The following CPNE6 variants were observed in gnomAD, a reference collection of about 807,000 sequenced individuals.
The protein encoded by CPNE6 is copine-6.
Under a neutral mutation model 71.5 loss-of-function variants are expected in CPNE6, and 33 were observed. That is an observed-to-expected ratio of 0.46 (90% CI 0.35 to 0.62). The LOEUF (loss-of-function observed/expected upper bound fraction) is 0.62, where lower values mean the gene tolerates loss of function less well. Ranked by LOEUF, CPNE6 falls within the 20% of genes least tolerant of loss-of-function variation. CPNE6 has a pLI of 0.00. For missense variants in CPNE6, 576 were observed against 747.3 expected (o/e 0.77, Z 2.67); for synonymous variants, 296 against 293.0 (o/e 1.01, Z -0.10).
exon 1 of CPNE6, chr14:24,071,005 A>T (rs977778206): frequency 6.5e-7 from 1 of 1,535,596 alleles, no homozygotes; most frequent in African/African-American, 1.4e-5. Flanking sequence ...GAGCACGGGA[A>T]GATCACATCC....
rs770676238 is a variant in CPNE6 at position 24,075,291 on chromosome 14, C to G, written c.777+15C>G. The G allele has an allele frequency of 1.3e-6, 2 of 1,599,962 alleles. No homozygotes were observed. The highest frequency in any genetic ancestry group is 3.3e-5 in the Admixed American group (2 of 60,002). On this transcript the variant is annotated intron_variant, in intron 9 of 17. Transcript: ENST00000397016. This position sits in a 1 kb window ranked among gnomAD's most constrained non-coding sequence, Gnocchi z 4.3. Reference sequence around the variant, plus strand: ...CTGGGCAGGAGGTGCCACAAATACCCCACCCCCAGAATCCCACCCAGATCC... The same window carrying G: ...CTGGGCAGGAGGTGCCACAAATACCGCACCCCCAGAATCCCACCCAGATCC...
rs779245949 is a variant in CPNE6 at position 24,077,384 on chromosome 14, C to T, written c.1530C>T (p.Phe510=). The T allele has an allele frequency of 6.2e-7, 1 of 1,613,870 alleles. No individual in the cohort carries two copies. Among genetic ancestry groups the T allele is most frequent in the East Asian group, 2.2e-5 (1 of 44,874 alleles). Residue 510 remains phenylalanine (F), a synonymous_variant, in exon 16 of 18, where the codon TTC becomes TTT. Transcript: ENST00000397016. The surrounding 1 kb of genome is among the most constrained non-coding windows in gnomAD (Gnocchi z 6.1). ...TCCAGTTCGTGCCCTTCCGAGACTT[C>T]AAGGATGTGAGTCCCCCGGGCCCCT...
Position 24,077,670 on chromosome 14 carries a change from C to A in CPNE6, c.1614C>A (p.Gly538=), listed in dbSNP as rs1168531892. ...TGGTGGAGTACTACGCCAGCCAGGG[C>A]ATCAGCCCTGGGGCTCCCAGGCCCT... The change falls in exon 17 of 18, where the codon GGC becomes GGA. Residue 538 remains glycine (G), a synonymous_variant. Coordinates refer to ENST00000397016, the Ensembl canonical transcript of CPNE6. The surrounding 1 kb of genome is among the most constrained non-coding windows in gnomAD (Gnocchi z 6.1). The A allele has an allele frequency of 6.3e-7, 1 of 1,593,294 alleles. No individual in the cohort carries two copies. Among genetic ancestry groups the A allele is most frequent in the South Asian group, 1.1e-5 (1 of 87,932 alleles).
chr14:24,074,010 G>A lies in CPNE6; in HGVS notation c.349-41G>A, dbSNP rs1442584589. 2 of 1,546,766 alleles carry A rather than the reference G, an allele frequency of 1.3e-6. No homozygotes were observed. Among genetic ancestry groups the A allele is most frequent in the Admixed American group, 1.7e-5 (1 of 59,926 alleles). On this transcript the variant is annotated intron_variant, in intron 4 of 17. Coordinates refer to ENST00000397016, the Ensembl canonical transcript of CPNE6. This position sits in a 1 kb window ranked among gnomAD's most constrained non-coding sequence, Gnocchi z 4.5. ...TCCCTTGTACGTGGCCAAGGCAGAT[G>A]GGGATGTCACAGCTGGGTCTCCCTC... is the stretch of plus-strand genomic sequence containing the variant.
In CPNE6 at chr14:24,074,389, C is replaced by T. The variant is rs2035994555; in HGVS notation, c.498+24C>T. The T allele has an allele frequency of 1.9e-6, 3 of 1,549,472 alleles. No homozygotes were observed. Among genetic ancestry groups the T allele is most frequent in the Non-Finnish European group, 2.6e-6 (3 of 1,148,156 alleles). On this transcript the variant is annotated intron_variant, in intron 6 of 17. Transcript: ENST00000397016. This position sits in a 1 kb window ranked among gnomAD's most constrained non-coding sequence, Gnocchi z 4.5. ...AGGTTGGAACCCCAGAGTCCAGGCC[C>T]CCAACTCCCCTGTCACTCCTAGGCC...
rs2036105173 is a variant in CPNE6, at chr14:24,077,121, G to A, written c.1300-33G>A. The A allele has an allele frequency of 2.5e-6, 4 of 1,595,094 alleles. No individual in the cohort carries two copies. In the South Asian group the frequency reaches 4.4e-5, roughly 18 times the overall value. ...CGGTGTCAACGCCCTTGCACACAAA[G>A]CCAACCCTTCCACCCTCTCTGCTTG... On this transcript the variant is annotated intron_variant, in intron 15 of 17. Transcript: ENST00000397016. This position sits in a 1 kb window ranked among gnomAD's most constrained non-coding sequence, Gnocchi z 6.1.
chr14:24,071,916 T>G (rs1286060716), intron 2 of CPNE6: 3 of 401,674 alleles, frequency 7.5e-6, no homozygotes, highest in African/African-American at 6.2e-5. Context: ...GTCCCACTTC[T>G]GAGGGAGGTA....
In CPNE6 at chr14:24,075,349, C is replaced by G; in HGVS notation, c.777+73C>G. 1.4e-6 allele frequency: 2 copies of G among 1,443,080 alleles called. No individual in the cohort carries two copies. The highest frequency in any genetic ancestry group is 9.8e-7 in the Non-Finnish European group (1 of 1,024,622). The allele number at this position is 1,443,080 out of a possible 1,614,324, so 89.4% of individuals were successfully genotyped here. A position where few individuals can be genotyped will look rare whatever the true frequency, so the allele number is the denominator to read the frequency against. On this transcript the variant is annotated intron_variant, in intron 9 of 17. Transcript: ENST00000397016. The surrounding 1 kb of genome is among the most constrained non-coding windows in gnomAD (Gnocchi z 4.3). ...AATCCTGAGGGTGATGCTGAAGAGA[C>G]CACCATAGGTGATAGGAAGTGGAGA...
Position 24,075,972 on chromosome 14 carries a change from C to A in CPNE6, c.924+86C>A. 6.5e-7 allele frequency: 1 copy of A among 1,549,252 alleles called. No individual in the cohort carries two copies. Among genetic ancestry groups the A allele is most frequent in the East Asian group, 2.3e-5 (1 of 44,438 alleles). ...AAGGAGCCCAGAATCTCCACTGCCC[C>A]AACTTGGGCTGCTCATGAGCCTTCG... On this transcript the variant is annotated intron_variant, in intron 11 of 17. Coordinates refer to ENST00000397016, the Ensembl canonical transcript of CPNE6. The surrounding 1 kb of genome is among the most constrained non-coding windows in gnomAD (Gnocchi z 4.3).
chr14:24,071,502 C>CCGCG, intron 1 of CPNE6, 60 bp from the exon 1 acceptor site: 1 of 447,726 alleles, frequency 2.2e-6, no homozygotes, highest in Non-Finnish European at 3.5e-6. Flanking sequence ...TGGTGCTGCG[C>CCGCG]CCCCCCCCAC....
Position 24,074,855 on chromosome 14 carries a change from C to T in CPNE6, c.672+60C>T. 1 of 1,412,522 alleles carries T rather than the reference C, an allele frequency of 7.1e-7. No individual in the cohort carries two copies. The highest frequency in any genetic ancestry group is 9.8e-7 in the Non-Finnish European group (1 of 1,015,406). The allele number at this position is 1,412,522 out of a possible 1,614,324, so 87.5% of individuals were successfully genotyped here. A position where few individuals can be genotyped will look rare whatever the true frequency, so the allele number is the denominator to read the frequency against. Reference sequence around the variant, plus strand: ...GAGCAACCAATCTGCTATCTAAGACCTTTCCCCTGCATGTGGCAAGCCTCC... The same window carrying T: ...GAGCAACCAATCTGCTATCTAAGACTTTTCCCCTGCATGTGGCAAGCCTCC... On this transcript the variant is annotated intron_variant, in intron 8 of 17. Coordinates refer to ENST00000397016, the Ensembl canonical transcript of CPNE6. This position sits in a 1 kb window ranked among gnomAD's most constrained non-coding sequence, Gnocchi z 4.5.
At chr14:24,071,294 C>T in intron 1 of CPNE6, 1 of 1,363,368 alleles carries the variant, frequency 7.3e-7, no homozygotes, top group Middle Eastern at 2.6e-4. Flanking sequence ...TATGTGCATG[C>T]CACTGCAATG....
Position 24,077,819 on chromosome 14 carries a change from T to C in CPNE6, c.*37+52T>C, listed in dbSNP as rs2036149070. 7.3e-7 allele frequency: 1 copy of C among 1,375,202 alleles called. No individual in the cohort carries two copies. The highest frequency in any genetic ancestry group is 1.6e-5 in the South Asian group (1 of 61,448). The allele number at this position is 1,375,202 out of a possible 1,614,324, so 85.2% of individuals were successfully genotyped here. ...GGACACAGGGGGTGCAAAGTGGGGC[T>C]TGGTAGAGCCCAACTAGGCTGGGTG... On this transcript the variant is annotated intron_variant, in intron 17 of 17. Transcript: ENST00000397016. The surrounding 1 kb of genome is among the most constrained non-coding windows in gnomAD (Gnocchi z 6.1).
At chr14:24,071,501 G>GCGGCCC in intron 1 of CPNE6, 61 bp from the exon 1 acceptor site, 28 of 1,416,674 alleles carry the variant, frequency 2.0e-5, no homozygotes, top group Non-Finnish European at 2.3e-5. Context: ...CTGGTGCTGC[G>GCGGCCC]CCCCCCCCCA....
rs144798310 is a variant in CPNE6 at position 24,075,703 on chromosome 14, A to T, written c.864+112A>T. 187 of 1,359,588 alleles carry T rather than the reference A, an allele frequency of 1.4e-4. 1 individual carries two copies. In the African/African-American group the frequency reaches 2.3e-3, roughly 17 times the overall value. The allele number at this position is 1,359,588 out of a possible 1,614,324, so 84.2% of individuals were successfully genotyped here. On this transcript the variant is annotated intron_variant, in intron 10 of 17. Transcript: ENST00000397016. This position sits in a 1 kb window ranked among gnomAD's most constrained non-coding sequence, Gnocchi z 4.3. ...CAGTTTCTCTGCTTCTGGGAACTGG[A>T]AACCACCCCCAACTGCAACCCAAAA...
intron 1 of CPNE6, 61 bp from the exon 1 acceptor site, chr14:24,071,501 G>GCGCC: frequency 1.4e-6 from 2 of 1,416,700 alleles, no homozygotes; most frequent in Non-Finnish European, 9.3e-7. Flanking sequence ...CTGGTGCTGC[G>GCGCC]CCCCCCCCCA....
exon 3 of CPNE6, chr14:24,072,962 T>C: frequency 6.3e-7 from 1 of 1,584,094 alleles, no homozygotes; most frequent in Non-Finnish European, 8.6e-7. Flanking sequence ...ATGGGATGGG[T>C]GCCTGAGCCC....
chr14:24,077,405 C>G lies in CPNE6; in HGVS notation c.1536+15C>G. On this transcript the variant is annotated intron_variant, in intron 16 of 17. Transcript: ENST00000397016. The surrounding 1 kb of genome is among the most constrained non-coding windows in gnomAD (Gnocchi z 6.1). ...ACTTCAAGGATGTGAGTCCCCCGGG[C>G]CCCTTCCGGCTGAAGGACTCCTCAG... 1 of 1,609,216 alleles carries G rather than the reference C, an allele frequency of 6.2e-7. No homozygotes were observed. The highest frequency in any genetic ancestry group is 1.1e-5 in the South Asian group (1 of 90,962).
At chr14:24,072,712 T>C (rs916910192) in intron 2 of CPNE6, 9 of 406,690 alleles carry the variant, frequency 2.2e-5, no homozygotes, top group African/African-American at 4.1e-5. Flanking sequence ...CACGCATACC[T>C]AGGCCAGCAG....
Sources: allele counts gnomAD v4.1 joint callset, GRCh38; gene constraint gnomAD v4.1.1; non-coding constraint Gnocchi (gnomAD v3.1); transcripts MANE v1.5; gene names NCBI Gene and HGNC (gene_info 2026-07-23, HGNC 2026-07-21).